Variants in RAB31 observed in about 807,000 individuals in gnomAD.
The protein encoded by RAB31 is ras-related protein Rab-31.
RAB31 carries 21 observed loss-of-function variants against 25.6 expected under a neutral mutation model. The ratio of observed to expected loss-of-function variants is 0.82; its 90% CI spans 0.58 to 1.18. RAB31 has a LOEUF of 1.18. RAB31 is among the 50% of genes most tolerant of loss of function. The pLI, the probability that RAB31 is intolerant of heterozygous loss-of-function variation, is 0.00. For synonymous variants in RAB31, 87 were observed against 84.0 expected (o/e 1.04, Z -0.20); for missense variants, 196 against 250.1 (o/e 0.78, Z 1.46).
intron 1 of RAB31, chr18:9,722,898 G>C (rs1436044277): frequency 1.3e-5 from 2 of 152,176 alleles, no homozygotes; most frequent in Non-Finnish European, 2.9e-5. Context: ...CAATTCCTCA[G>C]CTCTACAGTT....
rs1568186579 is a variant in RAB31 at position 9,815,121 on chromosome 18, A to G, written c.279A>G (p.Ser93=). Reference sequence around the variant, plus strand: ...TGTGTACACTGTTGGTTTAGGATTCATTTTATACCTTGAAGAAATGGGTCA... The same window carrying G: ...TGTGTACACTGTTGGTTTAGGATTCGTTTTATACCTTGAAGAAATGGGTCA... ...VIVYDITKQD[S]FYTLKKWVKE... Residue 93 remains serine (S), a synonymous_variant, in exon 5 of 7, where the codon TCA becomes TCG. Transcript: ENST00000578921. 1 of 1,543,794 alleles carries G rather than the reference A, an allele frequency of 6.5e-7. No individual in the cohort carries two copies. The highest frequency in any genetic ancestry group is 1.4e-5 in the African/African-American group (1 of 73,046).
At position 9,837,964 on chromosome 18, in the gene RAB31, T is replaced by G. The variant is rs976082004; in HGVS notation, c.381-7618T>G. Among the ~76,000 whole-genome samples the G allele has an allele frequency of 3.3e-5, 5 of 152,342 alleles. No individual in the cohort carries two copies. The East Asian group carries it at 9.6e-4, about 29-fold the overall frequency. ...AAGGGCCTTTACTTGTTTCTTCTAC[T>G]CGCATCATTTCCTCAGTCTTTTTGG... On this transcript the variant is annotated intron_variant, in intron 5 of 6. Coordinates refer to ENST00000578921, the MANE Select transcript of RAB31 (RefSeq NM_006868.4).
At chr18:9,767,343 C>T (rs1292606916) in intron 1 of RAB31, among the ~76,000 whole-genome samples, 2 of 152,158 alleles carry the variant, frequency 1.3e-5, no homozygotes, top group East Asian at 3.8e-4. Flanking sequence ...GTGTTATTTC[C>T]TGTCCATAAG....
intron 1 of RAB31, among the ~76,000 whole-genome samples, chr18:9,726,579 G>T (rs2068097178): frequency 6.6e-6 from 1 of 152,120 alleles, no homozygotes; most frequent in Non-Finnish European, 1.5e-5. Context: ...TAACTTTAAG[G>T]CTTAAGGGAG....
chr18:9,803,984 C>G (rs1254976171), intron 3 of RAB31, among the ~76,000 whole-genome samples: 1 of 152,220 alleles, frequency 6.6e-6, no homozygotes, highest in African/African-American at 2.4e-5. Context: ...ACGAAGATAC[C>G]TTTCGGGAGT....
rs1240572242 is a variant in RAB31 at position 9,773,230 on chromosome 18, A to G, written c.40-2048A>G. Among the ~76,000 whole-genome samples, 4 of 152,206 alleles carry G rather than the reference A, an allele frequency of 2.6e-5. No homozygotes were observed. In the East Asian group the frequency reaches 7.7e-4, roughly 29 times the overall value. ...TTGTCCCCCAAACACAGGGCTGAGAAGGAGTAAAAATAATTCAGATTGCCA... is the reference window on the plus strand; with the variant it reads ...TTGTCCCCCAAACACAGGGCTGAGAGGGAGTAAAAATAATTCAGATTGCCA... On this transcript the variant is annotated intron_variant, in intron 1 of 6. Transcript: ENST00000578921.
At chr18:9,719,365 A>G (rs2068063111) in intron 1 of RAB31, among the ~76,000 whole-genome samples, 1 of 129,864 alleles carries the variant, frequency 7.7e-6, no homozygotes, top group Non-Finnish European at 1.6e-5. Flanking sequence ...AGGGAGGGGA[A>G]ATGATCTAGT....
At chr18:9,809,866 A>G (rs1053496208) in intron 3 of RAB31, among the ~76,000 whole-genome samples, 1 of 152,224 alleles carries the variant, frequency 6.6e-6, no homozygotes, top group African/African-American at 2.4e-5. Flanking sequence ...CACATTGTCC[A>G]GCTGCTTTCC....
At chr18:9,793,390 C>T (rs1297973222) in intron 3 of RAB31, among the ~76,000 whole-genome samples, 1 of 152,098 alleles carries the variant, frequency 6.6e-6, no homozygotes, top group Non-Finnish European at 1.5e-5. Context: ...AGGCCGGACG[C>T]GGTGGCTCAC....
chr18:9,774,673 A>G (rs895891451), intron 1 of RAB31, among the ~76,000 whole-genome samples: 2 of 152,344 alleles, frequency 1.3e-5, no homozygotes, highest in African/African-American at 4.8e-5. Flanking sequence ...GCGTGCATTG[A>G]ATTTCCAGTG....
At chr18:9,818,414 T>C (rs943414020) in intron 5 of RAB31, among the ~76,000 whole-genome samples, 2 of 152,178 alleles carry the variant, frequency 1.3e-5, no homozygotes, top group Non-Finnish European at 2.9e-5. Flanking sequence ...TAATGTACCT[T>C]TTTTTCCTCT....
intron 1 of RAB31, among the ~76,000 whole-genome samples, chr18:9,762,848 G>GC (rs1172313420): frequency 6.6e-6 from 1 of 152,044 alleles, no homozygotes; most frequent in Non-Finnish European, 1.5e-5. Flanking sequence ...TGGCACTTTG[G>GC]TTTTTTGCTC....
At chr18:9,790,475 A>G (rs1451139017) in intron 2 of RAB31, among the ~76,000 whole-genome samples, 1 of 152,016 alleles carries the variant, frequency 6.6e-6, no homozygotes, top group Non-Finnish European at 1.5e-5. Context: ...GCCTCAAGCC[A>G]TCCTCCTGCT....
intron 1 of RAB31, among the ~76,000 whole-genome samples, chr18:9,746,228 G>A (rs963338604): frequency 2.0e-5 from 3 of 152,064 alleles, no homozygotes; most frequent in East Asian, 1.9e-4. Flanking sequence ...CATATACAAT[G>A]AAAACTAAAG....
intron 1 of RAB31, among the ~76,000 whole-genome samples, chr18:9,741,703 G>A (rs1009818506): frequency 3.9e-5 from 6 of 152,222 alleles, no homozygotes; most frequent in African/African-American, 1.4e-4. Context: ...GGCAGGGGTG[G>A]AGGCCACTGC....
intron 1 of RAB31, chr18:9,735,617 G>T: frequency 6.1e-6 from 1 of 165,206 alleles, no homozygotes; most frequent in Non-Finnish European, 1.3e-5. Flanking sequence ...AGACAAAAGA[G>T]GAAGATTTCT....
chr18:9,772,124 T>C (rs1001154780), intron 1 of RAB31, among the ~76,000 whole-genome samples: 2 of 152,174 alleles, frequency 1.3e-5, no homozygotes, highest in African/African-American at 4.8e-5. Flanking sequence ...GATTGATTTG[T>C]TGGCTGCTTT....
rs115451604 is a variant in RAB31, at chr18:9,854,794, C to A, written c.491-4434C>A. 5.1e-3 allele frequency among the ~76,000 whole-genome samples: 781 copies of A among 152,252 alleles called. 9 individuals are homozygous for A. Among genetic ancestry groups the A allele is most frequent in the African/African-American group, 0.018 (757 of 41,526 alleles). On this transcript the variant is annotated intron_variant, in intron 6 of 6. Coordinates refer to ENST00000578921, the MANE Select transcript of RAB31 (RefSeq NM_006868.4). ...AGTCATTGCTGTGTTCCAGAGACCC[C>A]CTCTCTACATGGCTAGAGGCTAAAG...
chr18:9,716,055 A>G (rs1291640868), intron 1 of RAB31, among the ~76,000 whole-genome samples: 1 of 152,164 alleles, frequency 6.6e-6, no homozygotes, highest in African/African-American at 2.4e-5. Flanking sequence ...GTTGCCCCCA[A>G]ATGTCCTTTC....
Sources: allele counts gnomAD v4.1 joint callset (sites outside exome capture counted in the v4.1 genomes callset), GRCh38; gene constraint gnomAD v4.1.1; transcripts MANE v1.5; gene names NCBI Gene and HGNC (gene_info 2026-07-23, HGNC 2026-07-21).